Variants in NFKB1 observed in about 807,000 individuals in gnomAD.
NFKB1 encodes the protein nuclear factor NF-kappa-B p105 subunit.
In NFKB1, 9 loss-of-function variants were observed where a neutral mutation model predicts 105.1. The observed-to-expected ratio is 0.09, with a 90% CI of 0.05 to 0.15. NFKB1 has a LOEUF of 0.15. Among genes scored for constraint, NFKB1 ranks in the 10% least tolerant of loss-of-function variants. The probability of loss-of-function intolerance (pLI) is 1.00; values close to 1 mark genes in which losing one functional copy is unlikely to be tolerated. For synonymous variants in NFKB1, 440 were observed against 442.2 expected (o/e 1.00, Z 0.06); for missense variants, 830 against 1,203.7 (o/e 0.69, Z 4.59).
At chr4:102,511,400 C>T (rs1485580248) in intron 1 of NFKB1, among the ~76,000 whole-genome samples, 2 of 152,136 alleles carry the variant, frequency 1.3e-5, no homozygotes, top group Admixed American at 6.5e-5. Flanking sequence ...TCTTGCTGGG[C>T]GTAGTGGCTC....
At chr4:102,532,529 T>C (rs1741363325) in intron 3 of NFKB1, among the ~76,000 whole-genome samples, 1 of 152,072 alleles carries the variant, frequency 6.6e-6, no homozygotes, top group Admixed American at 6.6e-5. Context: ...CTCTGGAGGC[T>C]GAGGCAGAGA....
intron 5 of NFKB1, among the ~76,000 whole-genome samples, chr4:102,551,983 A>G (rs769206485): frequency 6.6e-6 from 1 of 152,236 alleles, no homozygotes. Flanking sequence ...GTTTTAGTTA[A>G]TAACAGACTC....
chr4:102,571,185 C>G (rs1348432849), intron 6 of NFKB1, among the ~76,000 whole-genome samples: 23 of 152,202 alleles, frequency 1.5e-4, no homozygotes, highest in Non-Finnish European at 3.1e-4. Context: ...TACCGTACAT[C>G]TACAACTATC....
At chr4:102,527,729 T>C (rs927233973) in intron 2 of NFKB1, among the ~76,000 whole-genome samples, 25 of 152,136 alleles carry the variant, frequency 1.6e-4, no homozygotes, top group Non-Finnish European at 4.4e-5. Flanking sequence ...AACCGTTTGT[T>C]TTACCTTTCG....
At chr4:102,502,383 C>CGG (rs1739127808) in intron 1 of NFKB1, among the ~76,000 whole-genome samples, 3 of 104,934 alleles carry the variant, frequency 2.9e-5, no homozygotes, top group Admixed American at 1.7e-4. Context: ...CGTGCGCGCG[C>CGG]GCGCGCGCAC....
At chr4:102,545,737 A>G (rs1722086176) in intron 5 of NFKB1, among the ~76,000 whole-genome samples, 1 of 152,156 alleles carries the variant, frequency 6.6e-6, no homozygotes, top group African/African-American at 2.4e-5. Flanking sequence ...CCACTGCACA[A>G]TTGCTAAATC....
At chr4:102,598,208 G>C (rs3774963) in intron 15 of NFKB1, among the ~76,000 whole-genome samples, 48,808 of 152,002 alleles carry the variant, frequency 0.32, 8,163 homozygotes, top group East Asian at 0.43. Context: ...ATGTGGGAGT[G>C]GAACATTCCA....
chr4:102,524,342 T>C (rs887986586), intron 1 of NFKB1, among the ~76,000 whole-genome samples: 13 of 152,292 alleles, frequency 8.5e-5, no homozygotes, highest in African/African-American at 3.1e-4. Flanking sequence ...CTGAGACCTA[T>C]AGCCTTGATA....
intron 9 of NFKB1, 79 bp from the exon 10 acceptor site, chr4:102,582,787 A>G: frequency 3.3e-6 from 3 of 906,172 alleles, no homozygotes; most frequent in Non-Finnish European, 5.2e-6. Context: ...AGAATATTAA[A>G]CCAGTTTTAT....
chr4:102,531,719 T>C (rs1236313137), intron 3 of NFKB1, among the ~76,000 whole-genome samples: 1 of 152,210 alleles, frequency 6.6e-6, no homozygotes, highest in Admixed American at 6.5e-5. Flanking sequence ...TTAACTTTAA[T>C]GTGTTGCCTG....
intron 19 of NFKB1, among the ~76,000 whole-genome samples, chr4:102,609,187 A>G (rs191556663): frequency 9.3e-5 from 14 of 151,300 alleles, no homozygotes; most frequent in Admixed American, 2.6e-4. Context: ...GAAAGAAACT[A>G]TAACCCTTTT....
chr4:102,604,139 C>T (rs1452966746), intron 16 of NFKB1, among the ~76,000 whole-genome samples: 2 of 152,122 alleles, frequency 1.3e-5, no homozygotes, highest in Non-Finnish European at 2.9e-5. Context: ...TCTGCTAGCA[C>T]AAATGTCACT....
At position 102,525,420 on chromosome 4, in the gene NFKB1, T is replaced by G. The variant is rs559938543; in HGVS notation, c.-7-92T>G. ...ATTATATTTGGTCTTACTGGTATAA[T>G]ACAGTTTATTCCTGCATGAATTCCA... On this transcript the variant is annotated intron_variant, in intron 1 of 23. Transcript: ENST00000226574. 5.7e-6 allele frequency: 7 copies of G among 1,222,890 alleles called. No individual in the cohort carries two copies. In the South Asian group the frequency reaches 9.0e-5, roughly 16 times the overall value. The allele number at this position is 1,222,890 out of a possible 1,614,324, so 75.8% of individuals were successfully genotyped here.
intron 1 of NFKB1, among the ~76,000 whole-genome samples, chr4:102,520,622 A>G (rs1740509310): frequency 6.6e-6 from 1 of 152,214 alleles, no homozygotes; most frequent in African/African-American, 2.4e-5. Flanking sequence ...GTTTATACAA[A>G]TCTAAATGTT....
chr4:102,556,151 A>G (rs539104084), intron 5 of NFKB1, among the ~76,000 whole-genome samples: 1 of 152,314 alleles, frequency 6.6e-6, no homozygotes, highest in African/African-American at 2.4e-5. Context: ...CTTTTTTAGA[A>G]GGCAGCATTT....
chr4:102,505,955 AG>A (rs1739394091), intron 1 of NFKB1, among the ~76,000 whole-genome samples: 1 of 152,166 alleles, frequency 6.6e-6, no homozygotes. Context: ...GAAAGAAAGG[AG>A]CACAAAATAG....
At chr4:102,532,593 A>T (rs1324963818) in intron 3 of NFKB1, among the ~76,000 whole-genome samples, 9 of 152,092 alleles carry the variant, frequency 5.9e-5, no homozygotes, top group Admixed American at 5.9e-4. Context: ...GTGCCATGGC[A>T]CTCCAGCCTG....
chr4:102,528,031 T>C (rs181097121), intron 2 of NFKB1, among the ~76,000 whole-genome samples: 19 of 152,262 alleles, frequency 1.2e-4, no homozygotes, highest in Admixed American at 1.0e-3. Context: ...CTTGGTGGTT[T>C]ATATTTCCTA....
chr4:102,563,609 A>G (rs1375389226), intron 5 of NFKB1, among the ~76,000 whole-genome samples: 1 of 152,168 alleles, frequency 6.6e-6, no homozygotes, highest in East Asian at 1.9e-4. Flanking sequence ...TTTAGTCCTC[A>G]CAACAACCCT....
Sources: gnomAD v4.1 joint callset for allele counts (sites outside exome capture counted in the v4.1 genomes callset) on GRCh38, gnomAD v4.1.1 for gene constraint, MANE v1.5 for transcripts, NCBI Gene and HGNC (gene_info 2026-07-23, HGNC 2026-07-21) for gene names.